The following LRP1B variants were observed in gnomAD, a reference collection of about 807,000 sequenced individuals.
LRP1B encodes the protein LDL receptor related protein 1B, also known as low-density lipoprotein receptor-related protein 1B.
In LRP1B, 217 loss-of-function variants were observed where a neutral mutation model predicts 556.6. The ratio of observed to expected loss-of-function variants is 0.39; its 90% CI spans 0.35 to 0.44. The LOEUF is 0.44. Ranked by LOEUF, LRP1B falls within the 20% of genes least tolerant of loss-of-function variation. LRP1B has a pLI of 1.00. For synonymous variants in LRP1B, 2,047 were observed against 1,865.8 expected (o/e 1.10, Z -2.50); for missense variants, 5,053 against 5,620.8 (o/e 0.90, Z 3.23).
At chr2:141,247,114 A>G (rs1418648456) in intron 5 of LRP1B, 112 bp downstream of exon 5, 7 of 1,215,670 alleles carry the variant, frequency 5.8e-6, no homozygotes, top group Non-Finnish European at 8.2e-6. Context: ...ATGAAAGCAA[A>G]TCTCTCTCTT....
In LRP1B at chr2:141,033,532, C is replaced by T. The variant is rs576158049; in HGVS notation, c.1790-13430G>A. Among the ~76,000 whole-genome samples, 3 of 83,702 alleles carry T rather than the reference C, an allele frequency of 3.6e-5. No homozygotes were observed. The East Asian group carries it at 1.0e-3, about 28-fold the overall frequency. 54.9% of individuals were successfully genotyped at this position (83,702 alleles called of 152,430 possible). On this transcript the variant is annotated intron_variant, in intron 11 of 90. Transcript: ENST00000389484. The stretch of plus-strand genomic sequence containing the variant: ...AACATCTGCTATGGACTGAATGTTC[C>T]TGTCCCTCAAAAAAAAAAAAATCAT...
In LRP1B at chr2:140,868,277, A is replaced by G. The variant is rs771949420; in HGVS notation, c.4170-14T>C. Reference sequence around the variant, plus strand: ...CAGAAAAGAATTCTAAAAAAAAAAAAAAAAAAAGAAATAATACTATTGTTT... The same window carrying G: ...CAGAAAAGAATTCTAAAAAAAAAAAGAAAAAAAGAAATAATACTATTGTTT... On this transcript the variant is annotated splice_polypyrimidine_tract_variant and intron_variant, in intron 25 of 90. Coordinates refer to ENST00000389484, the MANE Select transcript of LRP1B (RefSeq NM_018557.3). The G allele has an allele frequency of 3.9e-6, 6 of 1,556,258 alleles. No individual in the cohort carries two copies. The highest frequency in any genetic ancestry group is 5.2e-6 in the Non-Finnish European group (6 of 1,158,912).
intron 2 of LRP1B, among the ~76,000 whole-genome samples, chr2:141,637,475 G>T (rs1689144771): frequency 6.6e-6 from 1 of 152,208 alleles, no homozygotes; most frequent in South Asian, 2.1e-4. Flanking sequence ...CTTGTGCAAA[G>T]CACATTTTCC....
At chr2:141,876,881 C>T (rs1035243820) in intron 1 of LRP1B, among the ~76,000 whole-genome samples, 1 of 151,924 alleles carries the variant, frequency 6.6e-6, no homozygotes, top group South Asian at 2.1e-4. Flanking sequence ...GTCTTGAGTA[C>T]TTTATCAACT....
intron 2 of LRP1B, among the ~76,000 whole-genome samples, chr2:141,800,925 T>C (rs1205005451): frequency 6.6e-6 from 1 of 152,182 alleles, no homozygotes; most frequent in African/African-American, 2.4e-5. Flanking sequence ...TTACGAGAAA[T>C]GTAGTTCAAT....
chr2:140,678,190 A>G (rs1028101503), intron 41 of LRP1B, among the ~76,000 whole-genome samples: 4 of 152,180 alleles, frequency 2.6e-5, no homozygotes, highest in Non-Finnish European at 5.9e-5. Flanking sequence ...TTTGCCTATA[A>G]GAAACAAAAA....
chr2:142,003,067 A>G (rs1474727180), intron 1 of LRP1B, among the ~76,000 whole-genome samples: 1 of 152,248 alleles, frequency 6.6e-6, no homozygotes, highest in Non-Finnish European at 1.5e-5. Flanking sequence ...AAAGGCTATC[A>G]TGCATATTTA....
intron 3 of LRP1B, among the ~76,000 whole-genome samples, chr2:141,415,072 T>C (rs1054676755): frequency 2.0e-5 from 3 of 152,236 alleles, no homozygotes; most frequent in African/African-American, 7.2e-5. Flanking sequence ...TGAAGTGCAG[T>C]GGCGCTATCT....
chr2:140,680,367 C>G (rs1685820058), intron 41 of LRP1B, among the ~76,000 whole-genome samples: 1 of 151,966 alleles, frequency 6.6e-6, no homozygotes, highest in African/African-American at 2.4e-5. Context: ...CCCTTTTTTC[C>G]CAGTTGGTCT....
At chr2:141,230,194 G>C (rs937573575) in intron 5 of LRP1B, among the ~76,000 whole-genome samples, 1 of 152,128 alleles carries the variant, frequency 6.6e-6, no homozygotes, top group Non-Finnish European at 1.5e-5. Flanking sequence ...ATAGAGTTTA[G>C]CTATACAATC....
chr2:141,789,650 G>A (rs2105658516), intron 2 of LRP1B, among the ~76,000 whole-genome samples: 1 of 152,052 alleles, frequency 6.6e-6, no homozygotes, highest in African/African-American at 2.4e-5. Context: ...AAGGATGTCA[G>A]TGTTTTGGCT....
chr2:140,446,767 T>C (rs1686675472), intron 63 of LRP1B, among the ~76,000 whole-genome samples: 1 of 151,526 alleles, frequency 6.6e-6, no homozygotes, highest in Non-Finnish European at 1.5e-5. Flanking sequence ...TTAGTGTGGG[T>C]AAAAACTGTT....
chr2:140,345,918 C>A lies in LRP1B; in HGVS notation c.11892+4879G>T, dbSNP rs527530318. On this transcript the variant is annotated intron_variant, in intron 77 of 90. Transcript: ENST00000389484. ...ACTTCTTTCTCATCTCAGCTCAAAT[C>A]TCCTCTCTTCAAATTGGCCTTTACT... Among the ~76,000 whole-genome samples, 22 of 148,176 alleles carry A rather than the reference C, an allele frequency of 1.5e-4. 1 individual carries two copies. The South Asian group carries it at 2.3e-3, about 16-fold the overall frequency.
intron 83 of LRP1B, 63 bp from the exon 84 acceptor site, chr2:140,298,032 AT>A: frequency 6.8e-7 from 1 of 1,460,564 alleles, no homozygotes; most frequent in South Asian, 1.3e-5. Flanking sequence ...TTTTCAAGGA[AT>A]TTTCATGGGA....
intron 11 of LRP1B, among the ~76,000 whole-genome samples, chr2:141,048,638 T>C (rs1257013145): frequency 2.6e-5 from 4 of 152,090 alleles, no homozygotes; most frequent in African/African-American, 4.8e-5. Context: ...AACCAACTAT[T>C]ACAAGTCTCT....
intron 12 of LRP1B, among the ~76,000 whole-genome samples, chr2:141,016,222 T>C (rs907201448): frequency 6.6e-6 from 1 of 152,084 alleles, no homozygotes; most frequent in African/African-American, 2.4e-5. Context: ...GGGCTGTTGA[T>C]ACCAAGTAAA....
intron 22 of LRP1B, among the ~76,000 whole-genome samples, chr2:140,906,104 A>G (rs965236345): frequency 3.9e-5 from 6 of 152,118 alleles, no homozygotes; most frequent in African/African-American, 1.4e-4. Flanking sequence ...TCATGACTTC[A>G]CCTCTGAAAG....
chr2:141,365,582 T>C (rs1418221603), intron 3 of LRP1B, among the ~76,000 whole-genome samples: 2 of 151,678 alleles, frequency 1.3e-5, no homozygotes, highest in East Asian at 1.9e-4. Flanking sequence ...TATAGCTTCA[T>C]ATGTAAACCC....
At chr2:141,171,988 G>C (rs1204601954) in intron 7 of LRP1B, among the ~76,000 whole-genome samples, 2 of 152,058 alleles carry the variant, frequency 1.3e-5, no homozygotes, top group Admixed American at 1.3e-4. Flanking sequence ...TTCTGATGCA[G>C]CACAAAGTGA....
Sources: gnomAD v4.1 joint callset for allele counts (sites outside exome capture counted in the v4.1 genomes callset) on GRCh38, gnomAD v4.1.1 for gene constraint, MANE v1.5 for transcripts, NCBI Gene and HGNC (gene_info 2026-07-23, HGNC 2026-07-21) for gene names.